Variants in POLK observed in about 807,000 individuals in gnomAD.
POLK encodes DNA polymerase kappa, also known as polymerase (DNA directed) kappa.
A neutral mutation model predicts 94.0 loss-of-function variants in POLK; 76 were observed. That is an observed-to-expected ratio of 0.81 (90% confidence interval 0.67 to 0.98). The LOEUF (loss-of-function observed/expected upper bound fraction) is 0.98. POLK is among the 50% of genes least tolerant of loss of function. POLK has a pLI of 0.00. For synonymous variants in POLK, 349 were observed against 325.4 expected, an observed-to-expected ratio of 1.07 and a Z score of -0.78; for missense variants, 954 against 1,010.1, an observed-to-expected ratio of 0.94 and a Z score of 0.75.
At chr5:75,542,308 C>T (rs1008020898) in intron 1 of POLK, among the ~76,000 whole-genome samples, 1 of 151,912 alleles carries the variant, frequency 6.6e-6, no homozygotes, top group African/African-American at 2.4e-5. Context: ...CTCTCTCTTC[C>T]CGCCACCTCT....
chr5:75,593,974 T>C (rs763401350), exon 12 of POLK: 14 of 1,611,142 alleles, frequency 8.7e-6, no homozygotes, highest in Non-Finnish European at 1.2e-5. Flanking sequence ...AGAAGAAATA[T>C]TTGCCATTGC....
chr5:75,521,400 G>T (rs1294289450), intron 1 of POLK, among the ~76,000 whole-genome samples: 1 of 151,350 alleles, frequency 6.6e-6, no homozygotes, highest in African/African-American at 2.4e-5. Context: ...GAATTTTTTA[G>T]TTCAGCAAAC....
At chr5:75,566,277 GC>G (rs1190480148) in intron 3 of POLK, among the ~76,000 whole-genome samples, 5 of 152,204 alleles carry the variant, frequency 3.3e-5, no homozygotes, top group Admixed American at 2.6e-4. Context: ...AGAATTTCAA[GC>G]CAGTGGATCT....
At chr5:75,579,839 G>T (rs1378468834) in intron 6 of POLK, among the ~76,000 whole-genome samples, 3 of 151,686 alleles carry the variant, frequency 2.0e-5, no homozygotes, top group Non-Finnish European at 4.4e-5. Flanking sequence ...TTGAGGCCAG[G>T]AGTTTGAGAC....
At chr5:75,583,049 A>G in intron 7 of POLK, 1 of 287,332 alleles carries the variant, frequency 3.5e-6, no homozygotes, top group Non-Finnish European at 6.4e-6. Context: ...ACATTTTAAA[A>G]TGTCATGGAG....
intron 1 of POLK, 24 bp downstream of exon 1, chr5:75,511,938 C>T: frequency 2.0e-6 from 2 of 993,454 alleles, no homozygotes; most frequent in Non-Finnish European, 3.0e-6. Flanking sequence ...GCGGGGATCG[C>T]TTGTCCCCTT....
chr5:75,597,526 G>T, intron 13 of POLK: 1 of 417,736 alleles, frequency 2.4e-6, no homozygotes, highest in Non-Finnish European at 4.2e-6. Flanking sequence ...CTTATTTTTT[G>T]GTAGTGCTGA....
chr5:75,550,312 C>T (rs2112651767), intron 2 of POLK, among the ~76,000 whole-genome samples: 1 of 152,326 alleles, frequency 6.6e-6, no homozygotes, highest in East Asian at 1.9e-4. Flanking sequence ...ATCGGCCAAG[C>T]TCATGCCTAT....
downstream of POLK, among the ~76,000 whole-genome samples, chr5:75,603,785 C>T (rs995499185): frequency 6.6e-6 from 1 of 152,208 alleles, no homozygotes; most frequent in African/African-American, 2.4e-5. Flanking sequence ...TTTTCTCTCT[C>T]CCACCTACAT....
chr5:75,596,671 T>C (rs1328250436), exon 13 of POLK: 1 of 1,613,914 alleles, frequency 6.2e-7, no homozygotes, highest in Non-Finnish European at 8.5e-7. Flanking sequence ...TAAAATGTTC[T>C]CGTGTTCACA....
At chr5:75,523,938 T>G (rs1194216330) in intron 1 of POLK, among the ~76,000 whole-genome samples, 2 of 152,052 alleles carry the variant, frequency 1.3e-5, no homozygotes, top group Non-Finnish European at 2.9e-5. Context: ...AAGACCAGCC[T>G]GGCCAACATG....
intron 5 of POLK, among the ~76,000 whole-genome samples, chr5:75,575,252 C>A (rs2112791191): frequency 6.6e-6 from 1 of 152,276 alleles, no homozygotes; most frequent in East Asian, 1.9e-4. Context: ...TCGATCATAC[C>A]TCACTATAAC....
At chr5:75,517,573 TA>T (rs1768380130) in intron 1 of POLK, among the ~76,000 whole-genome samples, 1 of 152,214 alleles carries the variant, frequency 6.6e-6, no homozygotes, top group Admixed American at 6.5e-5. Flanking sequence ...AATATAAGAT[TA>T]TGTTGCCTAC....
intron 8 of POLK, 61 bp downstream of exon 8, chr5:75,583,478 T>C: frequency 1.1e-6 from 1 of 937,558 alleles, no homozygotes; most frequent in East Asian, 2.7e-5. Flanking sequence ...AGATACTGTG[T>C]AGGCCAATAG....
intron 1 of POLK, among the ~76,000 whole-genome samples, chr5:75,514,236 A>G (rs1176010850): frequency 6.6e-6 from 1 of 152,218 alleles, no homozygotes; most frequent in Non-Finnish European, 1.5e-5. Context: ...TTTTCTGTCT[A>G]GGTATTCTGA....
At chr5:75,586,131 CAT>C (rs1010492372) in intron 9 of POLK, among the ~76,000 whole-genome samples, 1 of 152,046 alleles carries the variant, frequency 6.6e-6, no homozygotes, top group African/African-American at 2.4e-5. Context: ...TGTAACATAA[CAT>C]ATATTAACTT....
chr5:75,540,931 T>A (rs773845146), intron 1 of POLK, among the ~76,000 whole-genome samples: 9 of 152,206 alleles, frequency 5.9e-5, no homozygotes, highest in Non-Finnish European at 1.0e-4. Flanking sequence ...AAGTTTTCAT[T>A]GTTAAAGAAC....
intron 4 of POLK, among the ~76,000 whole-genome samples, chr5:75,569,929 G>A (rs896807241): frequency 6.6e-6 from 1 of 152,100 alleles, no homozygotes; most frequent in African/African-American, 2.4e-5. Flanking sequence ...ATCTATCACT[G>A]TCTCCCATCA....
intron 1 of POLK, among the ~76,000 whole-genome samples, chr5:75,518,468 C>T (rs1009711414): frequency 7.9e-5 from 12 of 151,982 alleles, no homozygotes; most frequent in Non-Finnish European, 1.3e-4. Context: ...TTTCTGTGGT[C>T]TCAGTTGGTA....
Sources: allele counts gnomAD v4.1 joint callset (sites outside exome capture counted in the v4.1 genomes callset), GRCh38; gene constraint gnomAD v4.1.1; transcripts MANE v1.5; gene names NCBI Gene and HGNC (gene_info 2026-07-23, HGNC 2026-07-21).